VWA3B: variants seen among roughly 807,000 people sequenced by gnomAD.
VWA3B encodes the protein von Willebrand factor A domain containing 3B.
Under a neutral mutation model 158.3 loss-of-function variants are expected in VWA3B, and 138 were observed. The ratio of observed to expected loss-of-function variants is 0.87; its 90% CI spans 0.76 to 1.00. VWA3B has a LOEUF of 1.00. Ranked by LOEUF, VWA3B falls within the 50% of genes least tolerant of loss-of-function variation. The probability of loss-of-function intolerance (pLI) is 0.00; values close to 1 mark genes in which losing one functional copy is unlikely to be tolerated. For synonymous variants in VWA3B, 596 were observed against 587.3 expected (o/e 1.01, Z -0.21); for missense variants, 1,555 against 1,565.1 (o/e 0.99, Z 0.11).
chr2:98,217,055 G>T (rs933234413), intron 13 of VWA3B: 3 of 1,109,018 alleles, frequency 2.7e-6, no homozygotes, highest in Non-Finnish European at 2.4e-6. Flanking sequence ...CCAGGATGGT[G>T]CTGGGGAGCT....
chr2:98,310,817 C>T (rs1259704129), intron 26 of VWA3B, among the ~76,000 whole-genome samples: 1 of 152,140 alleles, frequency 6.6e-6, no homozygotes, highest in Non-Finnish European at 1.5e-5. Context: ...CTGCTGTCGC[C>T]CAGGCCAATT....
intron 3 of VWA3B, among the ~76,000 whole-genome samples, chr2:98,117,807 T>C (rs1403591481): frequency 1.3e-5 from 2 of 148,352 alleles, no homozygotes; most frequent in African/African-American, 5.0e-5. Flanking sequence ...TGGAGTGCAG[T>C]GGTGCCATCT....
chr2:98,188,150 G>T (rs765866968), intron 10 of VWA3B, 21 bp downstream of exon 10: 1 of 1,601,602 alleles, frequency 6.2e-7, no homozygotes, highest in South Asian at 1.1e-5. Flanking sequence ...TTTGCAGGAA[G>T]TTACAAGTGG....
At chr2:98,116,749 G>A (rs952284587) in intron 3 of VWA3B, among the ~76,000 whole-genome samples, 4 of 152,150 alleles carry the variant, frequency 2.6e-5, no homozygotes, top group Non-Finnish European at 4.4e-5. Context: ...CAAGCAATCC[G>A]CCTGCCTGGG....
intron 7 of VWA3B, among the ~76,000 whole-genome samples, chr2:98,147,014 A>C (rs941491431): frequency 2.0e-5 from 3 of 152,232 alleles, no homozygotes; most frequent in African/African-American, 7.2e-5. Context: ...AAATTGATAA[A>C]GTATCATTTG....
chr2:98,133,608 G>A (rs911806540), intron 6 of VWA3B: 39 of 515,162 alleles, frequency 7.6e-5, no homozygotes, highest in East Asian at 4.9e-4. Flanking sequence ...ATGAGTTGTC[G>A]GTTAAAATCC....
intron 7 of VWA3B, among the ~76,000 whole-genome samples, chr2:98,157,523 C>T (rs957354323): frequency 2.0e-5 from 3 of 152,186 alleles, no homozygotes; most frequent in Non-Finnish European, 4.4e-5. Flanking sequence ...CAATGTGGCC[C>T]TTTTACCAGA....
At chr2:98,306,830 A>T (rs544571602) in intron 26 of VWA3B, among the ~76,000 whole-genome samples, 1 of 152,150 alleles carries the variant, frequency 6.6e-6, no homozygotes, top group Non-Finnish European at 1.5e-5. Flanking sequence ...GGAAGTCTTC[A>T]TTGACTCTCG....
At position 98,298,878 on chromosome 2, in the gene VWA3B, G is replaced by T. The variant is rs528990854; in HGVS notation, c.3282+847G>T. On this transcript the variant is annotated intron_variant, in intron 24 of 27. Coordinates refer to ENST00000477737, the MANE Select transcript of VWA3B (RefSeq NM_144992.5). ...TACCCCTTATCTGGATGAAGGATTT[G>T]GTCTGTGGCTAATTAAAGGCTGAGG... Among the ~76,000 whole-genome samples the T allele has an allele frequency of 5.8e-4, 89 of 152,314 alleles. 1 individual carries two copies. The highest frequency in any genetic ancestry group is 2.0e-3 in the African/African-American group (85 of 41,568).
rs574218145 is a variant in VWA3B, at chr2:98,202,936, G to C, written c.1737+8444G>C. Among the ~76,000 whole-genome samples, 430 of 152,118 alleles carry C rather than the reference G, an allele frequency of 2.8e-3. 1 individual carries two copies. The highest frequency in any genetic ancestry group is 4.7e-3 in the Admixed American group (72 of 15,284). On this transcript the variant is annotated intron_variant, in intron 12 of 27. Coordinates refer to ENST00000477737, the MANE Select transcript of VWA3B (RefSeq NM_144992.5). ...CAACCTCCACCTCCCAGGTTCAAGC[G>C]ATTCTCCTGCCTCAGCCTCCAGAGT...
intron 9 of VWA3B, among the ~76,000 whole-genome samples, chr2:98,183,956 T>G (rs1211591812): frequency 2.0e-5 from 3 of 152,230 alleles, no homozygotes; most frequent in African/African-American, 7.2e-5. Flanking sequence ...GAGTCAGAAT[T>G]GAGCATTTAT....
chr2:98,187,664 CTGTGTG>C (rs3066239), intron 9 of VWA3B, among the ~76,000 whole-genome samples: 10,182 of 141,338 alleles, frequency 0.072, 438 homozygotes, highest in East Asian at 0.15. Flanking sequence ...GTCTCTGTGT[CTGTGTG>C]TGTGTGTGTG....
intron 7 of VWA3B, among the ~76,000 whole-genome samples, chr2:98,134,829 G>T (rs190657640): frequency 1.3e-5 from 2 of 152,042 alleles, no homozygotes; most frequent in Admixed American, 6.6e-5. Flanking sequence ...GAGAAGGTTA[G>T]GTTTTCAGAT....
At chr2:98,171,882 C>A (rs1679616606) in intron 8 of VWA3B, among the ~76,000 whole-genome samples, 1 of 152,100 alleles carries the variant, frequency 6.6e-6, no homozygotes, top group South Asian at 2.1e-4. Context: ...AGGAAAAGTT[C>A]CCTTGTCCCC....
chr2:98,290,084 A>T (rs1689395717), intron 22 of VWA3B, among the ~76,000 whole-genome samples: 1 of 152,204 alleles, frequency 6.6e-6, no homozygotes, highest in South Asian at 2.1e-4. Flanking sequence ...ATAAAGAACT[A>T]CCTGAGACTG....
intron 11 of VWA3B, 76 bp downstream of exon 11, chr2:98,193,112 T>C (rs1258565037): frequency 2.8e-5 from 42 of 1,507,494 alleles, no homozygotes; most frequent in Non-Finnish European, 3.5e-5. Flanking sequence ...AGGGGCTTGT[T>C]GCTCTAAAAA....
At chr2:98,323,437 T>A in the VWA3B span, among the ~76,000 whole-genome samples, 1 of 151,536 alleles carries the variant, frequency 6.6e-6, no homozygotes, top group African/African-American at 2.4e-5. Flanking sequence ...CAGAGACCCA[T>A]GGAATAATTT....
rs191949142 is a variant in VWA3B, at chr2:98,193,037, G to A, written c.1605+1G>A. On this transcript the variant is annotated splice_donor_variant, in intron 11 of 27. Transcript: ENST00000477737. LOFTEE classifies it high-confidence loss of function. Reference sequence around the variant, plus strand: ...GGACAAGATCATTCAGTTCATACAGGTTAGATGGAACTGTCGGTTCATGCA... The same window carrying A: ...GGACAAGATCATTCAGTTCATACAGATTAGATGGAACTGTCGGTTCATGCA... 1.2e-6 allele frequency: 2 copies of A among 1,609,534 alleles called. No homozygotes were observed. Among genetic ancestry groups the A allele is most frequent in the Admixed American group, 1.7e-5 (1 of 59,654 alleles).
At chr2:98,303,606 A>C (rs1690333172) in intron 25 of VWA3B, 96 bp from the exon 26 acceptor site, 1 of 1,107,530 alleles carries the variant, frequency 9.0e-7, no homozygotes, top group African/African-American at 1.6e-5. Flanking sequence ...GATAATGACT[A>C]GAAGCTATTA....
Sources: gnomAD v4.1 joint callset for allele counts (sites outside exome capture counted in the v4.1 genomes callset) on GRCh38, gnomAD v4.1.1 for gene constraint, MANE v1.5 for transcripts, NCBI Gene and HGNC (gene_info 2026-07-23, HGNC 2026-07-21) for gene names.